PPP4R3B: variants seen among roughly 807,000 people sequenced by gnomAD.
PPP4R3B encodes protein phosphatase 4 regulatory subunit 3B.
Under a neutral mutation model 95.4 loss-of-function variants are expected in PPP4R3B, and 52 were observed. The observed-to-expected ratio is 0.54, with a 90% confidence interval of 0.44 to 0.69. The LOEUF (loss-of-function observed/expected upper bound fraction) is 0.69, where lower values mean the gene tolerates loss of function less well. Ranked by LOEUF, PPP4R3B falls within the 30% of genes least tolerant of loss-of-function variation. The pLI is 0.00. For synonymous variants in PPP4R3B, 407 were observed against 343.9 expected (o/e 1.18, Z -2.03); for missense variants, 1,003 against 1,005.9 (o/e 1.00, Z 0.04).
At chr2:55,579,589 A>T in intron 9 of PPP4R3B, 90 bp downstream of exon 9, 1 of 788,094 alleles carries the variant, frequency 1.3e-6, no homozygotes, top group Non-Finnish European at 1.9e-6. Context: ...CCTGTCTTAT[A>T]AAGTCTCAAG....
chr2:55,613,904 A>C (rs1335569631), intron 2 of PPP4R3B, among the ~76,000 whole-genome samples: 5 of 152,166 alleles, frequency 3.3e-5, no homozygotes, highest in Non-Finnish European at 5.9e-5. Context: ...CTCGGTATAA[A>C]GACAGAGATT....
At chr2:55,575,913 A>C (rs1025897626) in intron 11 of PPP4R3B, among the ~76,000 whole-genome samples, 7 of 152,270 alleles carry the variant, frequency 4.6e-5, no homozygotes, top group Non-Finnish European at 4.4e-5. Flanking sequence ...TGACCATCAC[A>C]TATAAATACA....
Position 55,579,768 on chromosome 2 carries a change from C to CT in PPP4R3B, c.1378dup (p.Ser460LysfsTer2). 1.2e-6 allele frequency: 2 copies of CT among 1,601,386 alleles called. No homozygotes were observed. Among genetic ancestry groups the CT allele is most frequent in the Non-Finnish European group, 1.7e-6 (2 of 1,175,338 alleles). On this transcript the variant is annotated frameshift_variant, in exon 9 of 17. Transcript: ENST00000616407. LOFTEE classifies it high-confidence loss of function. The stretch of plus-strand genomic sequence containing the variant: ...GTTGTAGAAAAAATTTAGAAATTCA[C>CT]TTTTTTCGGTTTTCTGAAACATAGA...
At chr2:55,609,682 C>CA (rs958552615) in intron 2 of PPP4R3B, among the ~76,000 whole-genome samples, 26 of 138,276 alleles carry the variant, frequency 1.9e-4, no homozygotes, top group African/African-American at 2.1e-4. Flanking sequence ...AAAAAAAAAA[C>CA]AAAAAAAACA....
At chr2:55,551,049 A>C (rs916549611) in intron 16 of PPP4R3B, among the ~76,000 whole-genome samples, 4 of 152,178 alleles carry the variant, frequency 2.6e-5, no homozygotes, top group Admixed American at 6.5e-5. Context: ...TTTATGTAAA[A>C]AAAAACAAAA....
chr2:55,577,298 T>C lies in PPP4R3B; in HGVS notation c.1606+17A>G, dbSNP rs761379769. 1 of 1,553,276 alleles carries C rather than the reference T, an allele frequency of 6.4e-7. No individual in the cohort carries two copies. Among genetic ancestry groups the C allele is most frequent in the Non-Finnish European group, 8.6e-7 (1 of 1,156,374 alleles). The stretch of plus-strand genomic sequence containing the variant: ...TTATAATTTGCATGTATTCATAAAG[T>C]ATGAATTCATACTTACCGGGACAAA... On this transcript the variant is annotated intron_variant, in intron 11 of 16. Coordinates refer to ENST00000616407, the MANE Select transcript of PPP4R3B (RefSeq NM_001122964.3).
At chr2:55,607,018 G>C (rs1693508971) in intron 2 of PPP4R3B, among the ~76,000 whole-genome samples, 2 of 151,898 alleles carry the variant, frequency 1.3e-5, no homozygotes, top group South Asian at 2.1e-4. Flanking sequence ...CCCCTTTTAA[G>C]GCACCTATCC....
chr2:55,593,777 A>C (rs1407666877), intron 4 of PPP4R3B, among the ~76,000 whole-genome samples: 1 of 152,162 alleles, frequency 6.6e-6, no homozygotes, highest in Admixed American at 6.5e-5. Context: ...CCACAATCTT[A>C]TTTCTTTCCT....
In PPP4R3B at chr2:55,617,609, C is replaced by T. The variant is rs184930468; in HGVS notation, c.-324G>A. ...CCGCCATCTTGTAACCCGACTCTCT[C>T]TGCCTTTCTCTTCCTCCTCCAGCAG... is the stretch of plus-strand genomic sequence containing the variant. On this transcript the variant is annotated 5_prime_UTR_variant, in exon 1 of 17. Coordinates refer to ENST00000616407, the MANE Select transcript of PPP4R3B (RefSeq NM_001122964.3). 7.9e-3 allele frequency: 1,861 copies of T among 234,596 alleles called. 17 individuals are homozygous for T. Among genetic ancestry groups the T allele is most frequent in the Non-Finnish European group, 0.012 (1,422 of 119,444 alleles). 14.5% of individuals were successfully genotyped at this position (234,596 alleles called of 1,614,324 possible). A position where few individuals can be genotyped will look rare whatever the true frequency, so the allele number is the denominator to read the frequency against.
chr2:55,567,402 G>C (rs1039423146), intron 13 of PPP4R3B, among the ~76,000 whole-genome samples: 1 of 151,994 alleles, frequency 6.6e-6, no homozygotes, highest in Non-Finnish European at 1.5e-5. Flanking sequence ...TATGCATGTT[G>C]TATTAATGTC....
chr2:55,563,311 T>A (rs1036675309), intron 15 of PPP4R3B, among the ~76,000 whole-genome samples: 1 of 152,266 alleles, frequency 6.6e-6, no homozygotes, highest in Non-Finnish European at 1.5e-5. Flanking sequence ...TTAGAAAATG[T>A]CACATTCAAA....
At position 55,549,924 on chromosome 2, in the gene PPP4R3B, C is replaced by T. The variant is rs148775305; in HGVS notation, c.2537G>A (p.Arg846His). 3.3e-5 allele frequency: 54 copies of T among 1,613,208 alleles called. No homozygotes were observed. The African/African-American group carries it at 4.7e-4, about 14-fold the overall frequency. Residue 846 changes from arginine (R) to histidine (H), a missense_variant, in exon 17 of 17, where the codon CGT becomes CAT. Physicochemically the swap from Arg to His is conservative, Grantham distance 29. Around this residue, in one of 3 missense-constraint regions of PPP4R3B, gnomAD observed 229 missense variants for 194.7 expected, o/e 1.18. Transcript: ENST00000616407. ...EEESSPRKRP[R>H]LGS ...CTAATAAATATTTTATGAGCCAAGA[C>T]GAGGTCTTTTCCTGGGGGACGATTC...
At chr2:55,589,452 C>T (rs370600660) in intron 4 of PPP4R3B, among the ~76,000 whole-genome samples, 37 of 152,282 alleles carry the variant, frequency 2.4e-4, no homozygotes, top group African/African-American at 8.4e-4. Context: ...TAAAATACAA[C>T]AACCTACAAC....
chr2:55,560,622 C>T (rs1205092016), intron 15 of PPP4R3B, among the ~76,000 whole-genome samples: 1 of 151,676 alleles, frequency 6.6e-6, no homozygotes, highest in Non-Finnish European at 1.5e-5. Flanking sequence ...ACTAAAAATA[C>T]AAAAATTAGC....
At chr2:55,570,751 CAG>C (rs1185105132) in intron 12 of PPP4R3B, among the ~76,000 whole-genome samples, 7 of 152,144 alleles carry the variant, frequency 4.6e-5, no homozygotes, top group African/African-American at 1.4e-4. Flanking sequence ...GAGAATAAAA[CAG>C]AAATAGGCCA....
In PPP4R3B at chr2:55,577,356, T is replaced by C. The variant is rs771303713; in HGVS notation, c.1565A>G (p.Asp522Gly). The C allele has an allele frequency of 2.0e-6, 3 of 1,504,872 alleles. No homozygotes were observed. The highest frequency in any genetic ancestry group is 2.7e-6 in the Non-Finnish European group (3 of 1,129,662). 93.2% of individuals were successfully genotyped at this position (1,504,872 alleles called of 1,614,324 possible). ...HSTPSSSISQ[D>G]NIVGSNKNNT... is the part of the protein sequence containing the mutation. ...GTTTTTGTTTGATCCAACTATATTA[T>C]CTAATAAAAAAATTAAAAATTAAAA... is the stretch of plus-strand genomic sequence containing the variant. Residue 522 changes from aspartate (D) to glycine (G), a missense_variant and splice_region_variant, in exon 11 of 17, where the codon GAT (aspartate) becomes GGT (glycine). Physicochemically the swap from Asp to Gly is moderately conservative, Grantham distance 94 (BLOSUM62 -1). Transcript: ENST00000616407.
rs530011867 is a variant in PPP4R3B at position 55,604,743 on chromosome 2, G to T, written c.199-667C>A. On this transcript the variant is annotated intron_variant, in intron 2 of 16. Coordinates refer to ENST00000616407, the MANE Select transcript of PPP4R3B (RefSeq NM_001122964.3). The stretch of plus-strand genomic sequence containing the variant: ...AGGGTTAGTTACATTTTTAGGAAAA[G>T]GTTGTCACCCCTTGTATTAGAAACC... Among the ~76,000 whole-genome samples, 9 of 151,896 alleles carry T rather than the reference G, an allele frequency of 5.9e-5. No individual in the cohort carries two copies. The South Asian group carries it at 1.9e-3, about 32-fold the overall frequency.
At chr2:55,585,925 G>A (rs1690073833) in intron 6 of PPP4R3B, among the ~76,000 whole-genome samples, 1 of 150,404 alleles carries the variant, frequency 6.6e-6, no homozygotes, top group Admixed American at 6.6e-5. Flanking sequence ...AAGTACAGTG[G>A]GGTTTTCCAG....
chr2:55,585,011 C>T (rs772394607), intron 7 of PPP4R3B, 40 bp downstream of exon 7: 7 of 1,414,872 alleles, frequency 4.9e-6, no homozygotes, highest in Middle Eastern at 1.8e-4. Context: ...ACTACTCACT[C>T]TACAGGTAAT....
Sources: allele counts gnomAD v4.1 joint callset (sites outside exome capture counted in the v4.1 genomes callset), GRCh38; gene constraint gnomAD v4.1.1; regional missense constraint gnomAD v4.1.1; transcripts MANE v1.5; gene names NCBI Gene and HGNC (gene_info 2026-07-23, HGNC 2026-07-21).